The following POLR3B variants were observed in gnomAD, a reference collection of about 807,000 sequenced individuals.
The protein encoded by POLR3B is RNA polymerase III subunit B, also known as DNA-directed RNA polymerase III subunit RPC2.
Under a neutral mutation model 147.4 loss-of-function variants are expected in POLR3B, and 96 were observed. The observed-to-expected ratio is 0.65, with a 90% confidence interval of 0.55 to 0.77. The LOEUF is 0.77. Ranked by LOEUF, POLR3B falls within the 30% of genes least tolerant of loss-of-function variation. POLR3B has a pLI of 0.00. For missense variants in POLR3B, 1,036 were observed against 1,413.5 expected, an observed-to-expected ratio of 0.73 and a Z score of 4.28; for synonymous variants, 461 against 485.9, an observed-to-expected ratio of 0.95 and a Z score of 0.67.
intron 9 of POLR3B, among the ~76,000 whole-genome samples, chr12:106,390,956 C>T (rs1185015993): frequency 6.6e-6 from 1 of 152,208 alleles, no homozygotes; most frequent in East Asian, 1.9e-4. Context: ...GGGAGGTTCA[C>T]TTAAGCCCAG....
At chr12:106,447,406 T>TA (rs899022301) in intron 19 of POLR3B, among the ~76,000 whole-genome samples, 2 of 152,200 alleles carry the variant, frequency 1.3e-5, no homozygotes, top group Non-Finnish European at 2.9e-5. Flanking sequence ...GGGTGTTTTT[T>TA]AAATCTTAGG....
chr12:106,495,834 G>A, intron 23 of POLR3B: 1 of 655,664 alleles, frequency 1.5e-6, no homozygotes, highest in Non-Finnish European at 2.8e-6. Flanking sequence ...TATGCCGGCA[G>A]CACAGTCCAC....
chr12:106,485,741 A>G (rs1170174817), intron 23 of POLR3B, among the ~76,000 whole-genome samples: 1 of 152,178 alleles, frequency 6.6e-6, no homozygotes, highest in African/African-American at 2.4e-5. Context: ...ACAAGGGCAG[A>G]GGTTGAGAGT....
chr12:106,487,822 A>G (rs1209860424), intron 23 of POLR3B, among the ~76,000 whole-genome samples: 7 of 152,212 alleles, frequency 4.6e-5, no homozygotes, highest in South Asian at 2.1e-4. Context: ...CACAGAGCTC[A>G]TGGAGAAGAC....
At chr12:106,484,326 C>T (rs920591316) in intron 23 of POLR3B, among the ~76,000 whole-genome samples, 5 of 152,006 alleles carry the variant, frequency 3.3e-5, no homozygotes, top group African/African-American at 9.7e-5. Context: ...AAGATCATCT[C>T]GAGTGCCTAT....
chr12:106,509,334 C>T (rs1013582619), intron 27 of POLR3B, 86 bp from the exon 28 acceptor site: 1 of 1,344,888 alleles, frequency 7.4e-7, no homozygotes, highest in Non-Finnish European at 1.1e-6. Context: ...GATAATAGAA[C>T]TTTATAGAGA....
At chr12:106,450,091 A>G (rs2037776667) in intron 19 of POLR3B, among the ~76,000 whole-genome samples, 1 of 152,206 alleles carries the variant, frequency 6.6e-6, no homozygotes, top group African/African-American at 2.4e-5. Context: ...AGACTCAAAC[A>G]TTTATGGGCA....
At chr12:106,403,166 T>G (rs1187736036) in intron 10 of POLR3B, among the ~76,000 whole-genome samples, 1 of 151,690 alleles carries the variant, frequency 6.6e-6, no homozygotes, top group Non-Finnish European at 1.5e-5. Flanking sequence ...AACCGACACT[T>G]CTCAAAAGAA....
intron 8 of POLR3B, among the ~76,000 whole-genome samples, chr12:106,379,000 A>T (rs1179677961): frequency 2.0e-5 from 3 of 152,212 alleles, no homozygotes; most frequent in Non-Finnish European, 4.4e-5. Context: ...TTCCTGTTTG[A>T]TAACCTACAA....
At chr12:106,465,615 C>G (rs994116378) in intron 23 of POLR3B, among the ~76,000 whole-genome samples, 17 of 152,196 alleles carry the variant, frequency 1.1e-4, no homozygotes, top group African/African-American at 3.6e-4. Flanking sequence ...CCTCCCCTAG[C>G]CTCCCACCCC....
At chr12:106,387,283 G>T (rs970464705) in intron 9 of POLR3B, among the ~76,000 whole-genome samples, 7 of 152,012 alleles carry the variant, frequency 4.6e-5, no homozygotes, top group Admixed American at 1.3e-4. Flanking sequence ...AGTGACTGTT[G>T]TGTAGAAGTT....
chr12:106,403,696 A>C (rs1483199036), intron 10 of POLR3B, among the ~76,000 whole-genome samples: 2 of 151,930 alleles, frequency 1.3e-5, no homozygotes, highest in South Asian at 2.1e-4. Flanking sequence ...CATTCTCAGC[A>C]AACTATCGCA....
At chr12:106,417,887 G>T (rs2037327935) in intron 12 of POLR3B, among the ~76,000 whole-genome samples, 1 of 152,192 alleles carries the variant, frequency 6.6e-6, no homozygotes, top group Non-Finnish European at 1.5e-5. Context: ...GGGGAAAGGA[G>T]AGCTGATCCT....
At chr12:106,485,743 G>A (rs1565912137) in intron 23 of POLR3B, among the ~76,000 whole-genome samples, 1 of 152,182 alleles carries the variant, frequency 6.6e-6, no homozygotes, top group Admixed American at 6.5e-5. Context: ...AAGGGCAGAG[G>A]TTGAGAGTTT....
intron 14 of POLR3B, among the ~76,000 whole-genome samples, chr12:106,431,548 ATTTCT>A (rs1400258034): frequency 3.3e-5 from 5 of 152,164 alleles, no homozygotes; most frequent in Non-Finnish European, 5.9e-5. Flanking sequence ...GTTTAAAAAG[ATTTCT>A]TTTCTTTTCA....
intron 8 of POLR3B, among the ~76,000 whole-genome samples, chr12:106,379,291 C>A (rs535345484): frequency 6.6e-6 from 1 of 152,280 alleles, no homozygotes; most frequent in African/African-American, 2.4e-5. Flanking sequence ...ACTTTGGAGC[C>A]AAGGCAATTT....
chr12:106,496,243 A>C, intron 24 of POLR3B, 85 bp downstream of exon 24: 1 of 861,754 alleles, frequency 1.2e-6, no homozygotes, highest in Non-Finnish European at 2.0e-6. Context: ...GGAGGTGACG[A>C]GGACTCTGAA....
At chr12:106,381,744 T>C (rs2036766577) in intron 9 of POLR3B, among the ~76,000 whole-genome samples, 1 of 152,244 alleles carries the variant, frequency 6.6e-6, no homozygotes, top group African/African-American at 2.4e-5. Flanking sequence ...AAACATTCTT[T>C]TTTTTAAAGT....
At chr12:106,360,467 C>T (rs1374221449) in intron 1 of POLR3B, among the ~76,000 whole-genome samples, 1 of 152,186 alleles carries the variant, frequency 6.6e-6, no homozygotes, top group Non-Finnish European at 1.5e-5. Context: ...AATATAACTT[C>T]CCTAGGAAGG....
Sources: allele counts gnomAD v4.1 joint callset (sites outside exome capture counted in the v4.1 genomes callset), GRCh38; gene constraint gnomAD v4.1.1; transcripts MANE v1.5; gene names NCBI Gene and HGNC (gene_info 2026-07-23, HGNC 2026-07-21).